Variants in RP1 observed in about 807,000 individuals in gnomAD.
RP1 encodes oxygen-regulated protein 1.
RP1 carries 16 observed loss-of-function variants against 14.8 expected under a neutral mutation model. The ratio of observed to expected loss-of-function variants is 1.08; its 90% confidence interval spans 0.73 to 1.65. The LOEUF is 1.65. Among genes scored for constraint, RP1 ranks in the 40% most tolerant of loss-of-function variants. RP1 has a pLI of 0.00. For synonymous variants in RP1, 876 were observed against 883.6 expected, an observed-to-expected ratio of 0.99 and a Z score of 0.15; for missense variants, 2,631 against 2,535.0, an observed-to-expected ratio of 1.04 and a Z score of -0.81.
intron 1 of RP1, among the ~76,000 whole-genome samples, chr8:54,577,301 C>T (rs1280780329): frequency 1.3e-5 from 2 of 152,280 alleles, no homozygotes; most frequent in African/African-American, 2.4e-5. Flanking sequence ...CAGGCGTGAG[C>T]TGCCGCACCT....
intron 22 of RP1, among the ~76,000 whole-genome samples, chr8:54,763,050 C>T (rs1809679220): frequency 6.6e-6 from 1 of 152,052 alleles, no homozygotes; most frequent in Non-Finnish European, 1.5e-5. Flanking sequence ...TTCTAGGTGG[C>T]CATGAATTTT....
rs144999144 is a variant in RP1 at position 54,625,618 on chromosome 8, A to G, written c.1736A>G (p.Asp579Gly). 83 of 1,614,172 alleles carry G rather than the reference A, an allele frequency of 5.1e-5. No homozygotes were observed. In the African/African-American group the frequency reaches 9.6e-4, roughly 19 times the overall value. The change falls in exon 4 of 4, where the codon GAT becomes GGT. Residue 579 changes from aspartate (D) to glycine (G), a missense_variant. Asp to Gly is a moderately conservative substitution (Grantham distance 94). Coordinates refer to ENST00000220676, the MANE Select transcript of RP1 (RefSeq NM_006269.2). Reference protein sequence around the residue: ...TISNNSIVEEDVVDCVVLDNK... With the variant: ...TISNNSIVEEGVVDCVVLDNK... ...TCAAATAACTCAATTGTGGAGGAAGATGTAGTTGATTGTGTGGTATTGGAC... is the reference window on the plus strand; with the variant it reads ...TCAAATAACTCAATTGTGGAGGAAGGTGTAGTTGATTGTGTGGTATTGGAC...
At chr8:54,676,906 G>C (rs1807306575) in intron 8 of RP1, among the ~76,000 whole-genome samples, 1 of 151,976 alleles carries the variant, frequency 6.6e-6, no homozygotes, top group African/African-American at 2.4e-5. Context: ...TTTTTTGGGA[G>C]ATAGCATCTA....
chr8:54,679,721 A>T, intron 11 of RP1: 1 of 1,521,016 alleles, frequency 6.6e-7, no homozygotes, highest in Non-Finnish European at 8.8e-7. Context: ...AGAGTTTAGT[A>T]AGTGCTGTTT....
At chr8:54,590,476 A>C (rs1012318010) in intron 1 of RP1, among the ~76,000 whole-genome samples, 2 of 151,992 alleles carry the variant, frequency 1.3e-5, no homozygotes, top group Admixed American at 1.3e-4. Flanking sequence ...CCTAACCGCC[A>C]CCTTTCCTTA....
intron 18 of RP1, among the ~76,000 whole-genome samples, chr8:54,737,111 C>T (rs187527683): frequency 1.3e-5 from 2 of 152,270 alleles, no homozygotes; most frequent in Admixed American, 1.3e-4. Context: ...TTTTATTAAA[C>T]TTGGGTTCAA....
intron 17 of RP1, chr8:54,734,530 T>C: frequency 6.6e-7 from 1 of 1,525,692 alleles, no homozygotes; most frequent in Non-Finnish European, 8.8e-7. Flanking sequence ...CCACTAATGC[T>C]TTTTTCCCCC....
Position 54,627,402 on chromosome 8 carries a change from G to A in RP1, c.3520G>A (p.Glu1174Lys). The A allele has an allele frequency of 6.2e-7, 1 of 1,614,180 alleles. No individual in the cohort carries two copies. Among genetic ancestry groups the A allele is most frequent in the Non-Finnish European group, 8.5e-7 (1 of 1,179,996 alleles). The change falls in exon 4 of 4, where the codon GAG (glutamate) becomes AAG (lysine). Residue 1174 changes from glutamate to lysine, a missense_variant. Transcript: ENST00000220676. ...LEILKHIAIT[E>K]EADDLKAAVA... is the part of the protein sequence containing the mutation. ...GATTCTAAAGCACATAGCTATCACA[G>A]AGGAAGCTGATGACTTGAAAGCTGC...
chr8:54,803,651 G>C (rs1284810837), intron 24 of RP1, among the ~76,000 whole-genome samples: 1 of 152,086 alleles, frequency 6.6e-6, no homozygotes, highest in Non-Finnish European at 1.5e-5. Context: ...GGTATATTAT[G>C]TAGTGAAAAA....
chr8:54,640,067 T>C (rs1806426321), intron 3 of RP1, among the ~76,000 whole-genome samples: 1 of 152,042 alleles, frequency 6.6e-6, no homozygotes, highest in South Asian at 2.1e-4. Context: ...TTTAGGAGTT[T>C]CATCATTTTA....
At chr8:54,611,906 T>G (rs1805606125), upstream of RP1, among the ~76,000 whole-genome samples, 1 of 132,398 alleles carries the variant, frequency 7.6e-6, no homozygotes. Flanking sequence ...CCTTCCTTCC[T>G]TCCTTCCTAT....
chr8:54,814,089 C>T (rs1439971238), intron 24 of RP1, among the ~76,000 whole-genome samples: 2 of 152,168 alleles, frequency 1.3e-5, no homozygotes, highest in East Asian at 3.9e-4. Context: ...ATCTCCTTAC[C>T]TCAACAAACA....
intron 28 of RP1, among the ~76,000 whole-genome samples, chr8:54,868,505 G>A (rs1177472064): frequency 6.6e-6 from 1 of 152,122 alleles, no homozygotes; most frequent in African/African-American, 2.4e-5. Flanking sequence ...TTGACAGATG[G>A]GCAAACTGTG....
rs1386478521 is a variant in RP1, at chr8:54,823,492, G to A, written c.3616-13958G>A. On this transcript the variant is annotated intron_variant, in intron 24 of 28. Coordinates refer to the RP1 transcript ENST00000637698. ...ATTACAGGCTTGTGGCACCACACCA[G>A]CTAATTTTTGTGTTTTTAGTAGAGA... is the stretch of plus-strand genomic sequence containing the variant. 3.9e-5 allele frequency among the ~76,000 whole-genome samples: 6 copies of A among 152,112 alleles called. No individual in the cohort carries two copies. In the South Asian group the frequency reaches 1.2e-3, roughly 32 times the overall value.
At chr8:54,755,541 C>A in intron 20 of RP1, 1 of 1,395,044 alleles carries the variant, frequency 7.2e-7, no homozygotes, top group Non-Finnish European at 9.7e-7. Flanking sequence ...GCCTGAAAAC[C>A]TATGGATCTG....
chr8:54,624,638 G>T (rs752849442), intron 3 of RP1, 32 bp from the exon 4 acceptor site: 1 of 1,610,160 alleles, frequency 6.2e-7, no homozygotes, highest in East Asian at 2.2e-5. Context: ...ATATTTTGAT[G>T]TGGGCACCTT....
intron 21 of RP1, among the ~76,000 whole-genome samples, chr8:54,758,545 T>C (rs910030266): frequency 3.3e-5 from 5 of 152,080 alleles, no homozygotes; most frequent in Non-Finnish European, 5.9e-5. Context: ...TCAGTACTCA[T>C]AGAAAGGAAA....
chr8:54,596,375 A>G lies in RP1; in HGVS notation c.-12-24580A>G, dbSNP rs987101191. Reference sequence around the variant, plus strand: ...TGGAGTTTGTTTCATTGCATGAACAATAATATTCACCTCCTTCACAATTCT... The same window carrying G: ...TGGAGTTTGTTTCATTGCATGAACAGTAATATTCACCTCCTTCACAATTCT... On this transcript the variant is annotated intron_variant, in intron 1 of 22. Coordinates refer to the RP1 transcript ENST00000636932. Among the ~76,000 whole-genome samples, 7 of 152,210 alleles carry G rather than the reference A, an allele frequency of 4.6e-5. No homozygotes were observed. The South Asian group carries it at 1.4e-3, about 32-fold the overall frequency.
chr8:54,600,813 A>AT (rs1433213831), intron 1 of RP1, among the ~76,000 whole-genome samples: 3 of 152,124 alleles, frequency 2.0e-5, no homozygotes, highest in African/African-American at 7.2e-5. Flanking sequence ...TCATTGGAGC[A>AT]TTTTAAATCT....
Sources: gnomAD v4.1 joint callset for allele counts (sites outside exome capture counted in the v4.1 genomes callset) on GRCh38, gnomAD v4.1.1 for gene constraint, MANE v1.5 for transcripts, NCBI Gene and HGNC (gene_info 2026-07-23, HGNC 2026-07-21) for gene names.